HIVEP3: variants seen among roughly 807,000 people sequenced by gnomAD.
HIVEP3 encodes the protein HIVEP zinc finger 3, also known as transcription factor HIVEP3.
A neutral mutation model predicts 152.8 loss-of-function variants in HIVEP3; 49 were observed. That is an observed-to-expected ratio of 0.32 (90% CI 0.26 to 0.41). The LOEUF is 0.41. Among genes scored for constraint, HIVEP3 ranks in the 10% least tolerant of loss-of-function variants. The pLI is 1.00. For synonymous variants in HIVEP3, 1,269 were observed against 1,289.0 expected (o/e 0.98, Z 0.33); for missense variants, 2,790 against 3,103.3 (o/e 0.90, Z 2.40).
At chr1:41,529,329 C>G (rs1569768336) in intron 5 of HIVEP3, among the ~76,000 whole-genome samples, 1 of 146,578 alleles carries the variant, frequency 6.8e-6, no homozygotes, top group Non-Finnish European at 1.5e-5. Context: ...CTCCCCACAC[C>G]CTCACATTCA....
Position 42,010,078 on chromosome 1 carries a change from A to G in HIVEP3, n.119+25729T>C, listed in dbSNP as rs1645484377. 2.0e-5 allele frequency among the ~76,000 whole-genome samples: 3 copies of G among 152,080 alleles called. No individual in the cohort carries two copies. In the South Asian group the frequency reaches 6.2e-4, roughly 31 times the overall value. On this transcript the variant is annotated intron_variant and non_coding_transcript_variant, in intron 1 of 3. Transcript: ENST00000489103. ...CCTGGCTAATTTTTTTTCTTTTGGT[A>G]CAGACAGGATCTCACTATGTTGCCC...
intron 2 of HIVEP3, among the ~76,000 whole-genome samples, chr1:41,690,691 A>G (rs570640975): frequency 6.6e-6 from 1 of 152,218 alleles, no homozygotes; most frequent in African/African-American, 2.4e-5. Flanking sequence ...GCCGAGGCAG[A>G]TGGATCACCT....
intron 1 of HIVEP3, among the ~76,000 whole-genome samples, chr1:41,888,114 C>T (rs1349536898): frequency 6.7e-6 from 1 of 149,940 alleles, no homozygotes; most frequent in Non-Finnish European, 1.5e-5. Flanking sequence ...CAGCTCACTG[C>T]AAGCTCCGCC....
intron 1 of HIVEP3, among the ~76,000 whole-genome samples, chr1:41,777,285 G>A (rs757081615): frequency 1.3e-5 from 2 of 152,228 alleles, no homozygotes; most frequent in African/African-American, 2.4e-5. Flanking sequence ...GGAACAAAGC[G>A]GGGACTCACA....
chr1:41,704,591 G>A (rs996380467), intron 1 of HIVEP3, among the ~76,000 whole-genome samples: 12 of 152,228 alleles, frequency 7.9e-5, no homozygotes, highest in African/African-American at 2.9e-4. Flanking sequence ...TTATGGGAAG[G>A]AGCTAACATC....
chr1:41,527,383 CGCA>C (rs1643017436), intron 5 of HIVEP3, among the ~76,000 whole-genome samples: 3 of 75,672 alleles, frequency 4.0e-5, no homozygotes, highest in Non-Finnish European at 6.0e-5. Context: ...CACTCACACT[CGCA>C]CTCACACTCC....
intron 1 of HIVEP3, among the ~76,000 whole-genome samples, chr1:41,917,303 TC>T (rs1178876784): frequency 6.6e-6 from 1 of 151,264 alleles, no homozygotes; most frequent in African/African-American, 2.4e-5. Context: ...TCCTCTTCCC[TC>T]CCCCCGTAAC....
At chr1:41,588,209 G>C (rs1445806216) in intron 3 of HIVEP3, among the ~76,000 whole-genome samples, 1 of 152,178 alleles carries the variant, frequency 6.6e-6, no homozygotes, top group Admixed American at 6.5e-5. Context: ...CACTGTGATG[G>C]AGAGGCCTTT....
chr1:41,952,951 G>A (rs1186225298), intron 1 of HIVEP3, among the ~76,000 whole-genome samples: 2 of 151,950 alleles, frequency 1.3e-5, no homozygotes, highest in East Asian at 1.9e-4. Context: ...ATGAGCAATC[G>A]ACTCAAAGCC....
At chr1:41,846,705 G>A (rs948583190) in intron 1 of HIVEP3, among the ~76,000 whole-genome samples, 7 of 152,252 alleles carry the variant, frequency 4.6e-5, no homozygotes, top group Non-Finnish European at 1.0e-4. Flanking sequence ...AAGTAAATGT[G>A]TGTGATGAGT....
At chr1:41,569,895 G>A (rs578177745) in intron 5 of HIVEP3, among the ~76,000 whole-genome samples, 1 of 152,242 alleles carries the variant, frequency 6.6e-6, no homozygotes, top group Non-Finnish European at 1.5e-5. Flanking sequence ...AACTGGAACA[G>A]TAATGAATTA....
intron 1 of HIVEP3, among the ~76,000 whole-genome samples, chr1:41,932,576 A>G (rs1032027004): frequency 1.3e-5 from 2 of 151,934 alleles, no homozygotes; most frequent in Admixed American, 6.6e-5. Context: ...TTTCTTGGTC[A>G]GTCTGCCTAG....
chr1:41,575,208 G>T (rs1037488754), intron 5 of HIVEP3, among the ~76,000 whole-genome samples: 4 of 152,216 alleles, frequency 2.6e-5, no homozygotes, highest in Non-Finnish European at 4.4e-5. Flanking sequence ...CAGAAGTCTG[G>T]ACATTTGCTG....
Position 41,847,893 on chromosome 1 carries a change from G to A in HIVEP3, c.-801+70520C>T, listed in dbSNP as rs533815081. Reference sequence around the variant, plus strand: ...CAGGGGAGAGGAGAAGGGCATCAAGGAGCTGACCAGGAGACACACTGATCT... The same window carrying A: ...CAGGGGAGAGGAGAAGGGCATCAAGAAGCTGACCAGGAGACACACTGATCT... On this transcript the variant is annotated intron_variant, in intron 1 of 8. Transcript: ENST00000372583. 3 of 152,722 alleles carry A rather than the reference G, an allele frequency of 2.0e-5. No individual in the cohort carries two copies. The South Asian group carries it at 6.2e-4, about 32-fold the overall frequency. 9.5% of individuals were successfully genotyped at this position (152,722 alleles called of 1,614,324 possible). A position where few individuals can be genotyped will look rare whatever the true frequency, so the allele number is the denominator to read the frequency against.
chr1:41,651,988 A>C (rs1480507482), intron 2 of HIVEP3, among the ~76,000 whole-genome samples: 1 of 152,234 alleles, frequency 6.6e-6, no homozygotes, highest in Non-Finnish European at 1.5e-5. Flanking sequence ...AGTTCTTTAA[A>C]TAATAACTAA....
rs1558089118 is a variant in HIVEP3, at chr1:41,583,899, G to A, written c.899C>T (p.Pro300Leu). 6.2e-7 allele frequency: 1 copy of A among 1,614,072 alleles called. No homozygotes were observed. The highest frequency in any genetic ancestry group is 2.2e-5 in the East Asian group (1 of 44,878). Residue 300 changes from proline (P) to leucine (L), a missense_variant, in exon 4 of 9, where the codon CCA becomes CTA. Physicochemically the swap from Pro to Leu is moderately conservative, Grantham distance 98. This residue lies in a region of HIVEP3 where 125 missense variants were observed against 130.1 expected (regional missense o/e 0.96). Transcript: ENST00000372583. This position sits in a 1 kb window ranked among gnomAD's most constrained non-coding sequence, Gnocchi z 6.9. ...ATSGHPAELS[P>L]RPKQPLLSSG... Reference sequence around the variant, plus strand: ...GGAGAGAAGGGGCTGCTTGGGTCTTGGGGAGAGCTCTGCAGGGTGACCAGA... The same window carrying A: ...GGAGAGAAGGGGCTGCTTGGGTCTTAGGGAGAGCTCTGCAGGGTGACCAGA...
At chr1:41,557,797 G>C (rs1337648537) in intron 5 of HIVEP3, among the ~76,000 whole-genome samples, 3 of 152,216 alleles carry the variant, frequency 2.0e-5, no homozygotes, top group Non-Finnish European at 1.5e-5. Context: ...AAAGGACAAA[G>C]AGTAAGATCT....
At chr1:41,619,016 C>T (rs2149139479) in intron 3 of HIVEP3, among the ~76,000 whole-genome samples, 1 of 152,252 alleles carries the variant, frequency 6.6e-6, no homozygotes, top group Admixed American at 6.5e-5. Flanking sequence ...GCTGCCCCCG[C>T]CCCCTCCAGG....
At chr1:41,753,856 C>T (rs1338924347) in intron 1 of HIVEP3, among the ~76,000 whole-genome samples, 1 of 152,054 alleles carries the variant, frequency 6.6e-6, no homozygotes, top group Admixed American at 6.5e-5. Flanking sequence ...AATGAATGAA[C>T]AAAATCTCTG....
Sources: gnomAD v4.1 joint callset for allele counts (sites outside exome capture counted in the v4.1 genomes callset) on GRCh38, gnomAD v4.1.1 for gene constraint, gnomAD v4.1.1 regional missense constraint, Gnocchi (gnomAD v3.1) non-coding constraint, MANE v1.5 for transcripts, NCBI Gene and HGNC (gene_info 2026-07-23, HGNC 2026-07-21) for gene names.